MMP26: variants seen among roughly 807,000 people sequenced by gnomAD.
MMP26 encodes matrix metalloproteinase-26.
Under a neutral mutation model 31.0 loss-of-function variants are expected in MMP26, and 33 were observed. The observed-to-expected ratio is 1.06, with a 90% CI of 0.81 to 1.42. The LOEUF is 1.42. MMP26 is among the 40% of genes most tolerant of loss of function. MMP26 has a pLI of 0.00. For synonymous variants in MMP26, 122 were observed against 114.9 expected (o/e 1.06, Z -0.40); for missense variants, 347 against 316.1 (o/e 1.10, Z -0.74).
At chr11:4,724,503 A>C (rs1310118464) in intron 1 of MMP26, among the ~76,000 whole-genome samples, 4 of 152,220 alleles carry the variant, frequency 2.6e-5, no homozygotes, top group African/African-American at 9.7e-5. Context: ...TTTACATTAA[A>C]AACATAAAAG....
intron 2 of MMP26, chr11:4,938,129 T>C (rs1270626632): frequency 6.6e-6 from 1 of 152,084 alleles, no homozygotes; most frequent in Non-Finnish European, 1.5e-5. Flanking sequence ...TCATGGAGGC[T>C]TTGCTCTGTC....
intron 2 of MMP26, chr11:4,803,614 A>T: frequency 1.9e-6 from 3 of 1,614,052 alleles, no homozygotes. Flanking sequence ...AAGGGCTGGG[A>T]TATAAAGAGC....
chr11:4,826,722 A>G (rs1310461859), intron 2 of MMP26, among the ~76,000 whole-genome samples: 2 of 152,120 alleles, frequency 1.3e-5, no homozygotes, highest in Non-Finnish European at 2.9e-5. Flanking sequence ...CTAGCAAAAC[A>G]TTATAAGGCC....
At chr11:4,985,167 C>T (rs1279666014) in intron 2 of MMP26, among the ~76,000 whole-genome samples, 1 of 109,574 alleles carries the variant, frequency 9.1e-6, no homozygotes, top group Non-Finnish European at 2.3e-5. Flanking sequence ...CATAATCTGA[C>T]TTAAAACTTA....
intron 2 of MMP26, chr11:4,908,364 C>G (rs1323131285): frequency 7.0e-7 from 1 of 1,435,176 alleles, no homozygotes; most frequent in South Asian, 1.1e-5. Flanking sequence ...CTGTCATTTG[C>G]TATGTGCTTA....
chr11:4,763,371 A>T (rs1047545497), intron 1 of MMP26, among the ~76,000 whole-genome samples: 12 of 152,352 alleles, frequency 7.9e-5, no homozygotes, highest in South Asian at 6.2e-4. Context: ...ACAGAAAGTC[A>T]TGTTGCCAGA....
rs1472125585 is a variant in MMP26 at position 4,766,697 on chromosome 11, C to CTCCCTCCCTCCT, written c.-216-562_-216-561insTTCCCTCCCTCC. ...TAATTTCTCTCCCACTTTCCTTTCC[C>CTCCCTCCCTCCT]TCCCTCCCTCCCTCCCTCCCTTCCT... On this transcript the variant is annotated intron_variant, in intron 1 of 7. Transcript: ENST00000380390. 2.8e-5 allele frequency among the ~76,000 whole-genome samples: 3 copies of CTCCCTCCCTCCT among 106,886 alleles called. 1 individual carries two copies. Among genetic ancestry groups the CTCCCTCCCTCCT allele is most frequent in the Non-Finnish European group, 5.8e-5 (3 of 51,868 alleles). The allele number at this position is 106,886 out of a possible 152,430, so 70.1% of individuals were successfully genotyped here. A position where few individuals can be genotyped will look rare whatever the true frequency, so the allele number is the denominator to read the frequency against.
chr11:4,885,695 A>C (rs949921935), intron 2 of MMP26, among the ~76,000 whole-genome samples: 4 of 152,148 alleles, frequency 2.6e-5, no homozygotes, highest in African/African-American at 9.6e-5. Flanking sequence ...TTTAATAAAC[A>C]AACACATGGG....
intron 1 of MMP26, among the ~76,000 whole-genome samples, chr11:4,714,841 G>A (rs1847904297): frequency 6.6e-6 from 1 of 151,378 alleles, no homozygotes; most frequent in African/African-American, 2.4e-5. Flanking sequence ...AAATGGGAGG[G>A]CACATAAAAG....
At chr11:4,767,612 A>AC (rs1564904504) in intron 2 of MMP26, among the ~76,000 whole-genome samples, 1 of 152,208 alleles carries the variant, frequency 6.6e-6, no homozygotes, top group African/African-American at 2.4e-5. Context: ...TTATATAAAT[A>AC]TTTAAAAGAA....
intron 1 of MMP26, chr11:4,723,354 C>A: frequency 1.0e-6 from 1 of 970,034 alleles, no homozygotes; most frequent in Non-Finnish European, 1.7e-6. Flanking sequence ...TGCTCTCAGC[C>A]TCCGCCCGGC....
At chr11:4,916,384 CA>C (rs1329129003) in intron 2 of MMP26, among the ~76,000 whole-genome samples, 11 of 124,328 alleles carry the variant, frequency 8.8e-5, no homozygotes, top group African/African-American at 3.3e-4. Context: ...CTGCCTCTTA[CA>C]AATAGATCTT....
chr11:4,773,568 G>C lies in MMP26; in HGVS notation c.-145+6227G>C, dbSNP rs188447677. ...GCTGTATTCAGACTCCTGACTTACAGGAATTCAGAGGTGTAGTGTTTGTGG... is the reference window on the plus strand; with the variant it reads ...GCTGTATTCAGACTCCTGACTTACACGAATTCAGAGGTGTAGTGTTTGTGG... On this transcript the variant is annotated intron_variant, in intron 2 of 7. Transcript: ENST00000380390. Among the ~76,000 whole-genome samples, 641 of 151,304 alleles carry C rather than the reference G, an allele frequency of 4.2e-3. 4 individuals are homozygous for C. The highest frequency in any genetic ancestry group is 7.0e-3 in the Non-Finnish European group (472 of 67,882).
chr11:4,894,769 T>C (rs1850676586), intron 2 of MMP26, among the ~76,000 whole-genome samples: 1 of 151,974 alleles, frequency 6.6e-6, no homozygotes, highest in South Asian at 2.1e-4. Flanking sequence ...GAAGAGAGGG[T>C]AGCTAATTTT....
intron 2 of MMP26, chr11:4,787,687 A>G (rs1435596639): frequency 2.0e-5 from 3 of 152,194 alleles, no homozygotes; most frequent in Non-Finnish European, 4.4e-5. Flanking sequence ...TCTTTCAAAC[A>G]AAATCAAAAG....
intron 1 of MMP26, among the ~76,000 whole-genome samples, chr11:4,726,423 C>A (rs1848101013): frequency 6.6e-6 from 1 of 151,882 alleles, no homozygotes; most frequent in Admixed American, 6.6e-5. Flanking sequence ...GATCACGCCA[C>A]CGCACTCCAG....
intron 2 of MMP26, chr11:4,860,731 T>C (rs1177359622): frequency 3.3e-6 from 1 of 302,652 alleles, no homozygotes; most frequent in East Asian, 9.2e-5. Context: ...TAACACTGTG[T>C]CTTTTTCCTT....
intron 2 of MMP26, among the ~76,000 whole-genome samples, chr11:4,981,754 T>A (rs1846816399): frequency 6.6e-6 from 1 of 152,106 alleles, no homozygotes; most frequent in Non-Finnish European, 1.5e-5. Context: ...ACAACCACAT[T>A]GTATAACTGT....
intron 2 of MMP26, among the ~76,000 whole-genome samples, chr11:4,810,653 G>A (rs1589907997): frequency 6.6e-6 from 1 of 152,188 alleles, no homozygotes; most frequent in East Asian, 1.9e-4. Flanking sequence ...AGCTGTGGTT[G>A]TGAGACCCCT....
Sources: allele counts gnomAD v4.1 joint callset (sites outside exome capture counted in the v4.1 genomes callset), GRCh38; gene constraint gnomAD v4.1.1; transcripts MANE v1.5; gene names NCBI Gene and HGNC (gene_info 2026-07-23, HGNC 2026-07-21).